ATP9B: variants seen among roughly 807,000 people sequenced by gnomAD.
ATP9B encodes ATPase phospholipid transporting 9B, also known as probable phospholipid-transporting ATPase IIB.
In ATP9B, 110 loss-of-function variants were observed where a neutral mutation model predicts 146.1. The observed-to-expected ratio is 0.75, with a 90% CI of 0.65 to 0.88. The LOEUF is 0.88. ATP9B is among the 40% of genes least tolerant of loss of function. The probability of loss-of-function intolerance (pLI) is 0.00; values close to 1 mark genes in which losing one functional copy is unlikely to be tolerated. For synonymous variants in ATP9B, 604 were observed against 569.7 expected (o/e 1.06, Z -0.86); for missense variants, 1,499 against 1,496.4 (o/e 1.00, Z -0.03).
Position 79,113,278 on chromosome 18 carries a change from A to C in ATP9B, c.482A>C (p.Tyr161Ser). 1 of 1,599,600 alleles carries C rather than the reference A, an allele frequency of 6.3e-7. No homozygotes were observed. The highest frequency in any genetic ancestry group is 1.3e-5 in the African/African-American group (1 of 74,658). Residue 161 changes from tyrosine (Y) to serine (S), a missense_variant, in exon 4 of 30, where the codon TAT (tyrosine) becomes TCT (serine). Physicochemically the swap from Tyr to Ser is moderately radical, Grantham distance 144. Coordinates refer to ENST00000426216, the MANE Select transcript of ATP9B (RefSeq NM_198531.5). ...YEQFKFFLNL[Y>S]FLVISCSQFV... ...CAATTCAAGTTTTTCTTGAATCTCT[A>C]TTTTCTAGTAATATCCTGCTCACAG... is the stretch of plus-strand genomic sequence containing the variant.
chr18:79,102,648 T>A (rs979388490), intron 2 of ATP9B, among the ~76,000 whole-genome samples: 8 of 152,348 alleles, frequency 5.3e-5, no homozygotes, highest in African/African-American at 1.4e-4. Flanking sequence ...TTTAGAATAA[T>A]CTTGTTCATA....
intron 17 of ATP9B, among the ~76,000 whole-genome samples, chr18:79,334,126 G>A (rs2096806734): frequency 6.6e-6 from 1 of 152,170 alleles, no homozygotes; most frequent in African/African-American, 2.4e-5. Flanking sequence ...GAGAGGCTGA[G>A]GTGGGCAGAT....
In ATP9B at chr18:79,231,778, GTA is replaced by G. The variant is rs781387419; in HGVS notation, c.1107+17765_1107+17766del. ...GTAGATAAAGAAAATGTGTGTGTGT[GTA>G]TATATATATATATATATATATATAC... On this transcript the variant is annotated intron_variant, in intron 11 of 29. Transcript: ENST00000426216. 4.3e-3 allele frequency among the ~76,000 whole-genome samples: 517 copies of G among 121,278 alleles called. 10 individuals carry two copies. Among genetic ancestry groups the G allele is most frequent in the African/African-American group, 0.016 (491 of 30,276 alleles). 79.6% of individuals were successfully genotyped at this position (121,278 alleles called of 152,430 possible).
rs80344527 is a variant in ATP9B at position 79,210,294 on chromosome 18, C to T, written c.1030+3282C>T. On this transcript the variant is annotated intron_variant, in intron 10 of 29. Transcript: ENST00000426216. ...ACAAAACTGGAAGGAAAGCTGGGCT[C>T]TCTAAGGCAAGGTTGACAAAAGTGT... Among the ~76,000 whole-genome samples the T allele has an allele frequency of 2.6e-5, 4 of 152,358 alleles. No homozygotes were observed. In the East Asian group the frequency reaches 7.7e-4, roughly 29 times the overall value.
At chr18:79,283,390 G>A (rs1483292292) in intron 13 of ATP9B, among the ~76,000 whole-genome samples, 2 of 152,226 alleles carry the variant, frequency 1.3e-5, no homozygotes, top group Non-Finnish European at 2.9e-5. Context: ...GAGCCTTAAT[G>A]TTACTAACAT....
chr18:79,217,459 C>T (rs549135188), intron 11 of ATP9B, among the ~76,000 whole-genome samples: 1 of 152,364 alleles, frequency 6.6e-6, no homozygotes, highest in East Asian at 1.9e-4. Flanking sequence ...GCTGGGATTA[C>T]AGGCGTGAGC....
intron 6 of ATP9B, among the ~76,000 whole-genome samples, chr18:79,149,182 C>T (rs1432958932): frequency 6.6e-6 from 1 of 152,004 alleles, no homozygotes; most frequent in African/African-American, 2.4e-5. Flanking sequence ...TACTCTAAAA[C>T]TAATTCGGAA....
chr18:79,071,583 G>C (rs938554161), intron 1 of ATP9B, among the ~76,000 whole-genome samples: 1 of 151,560 alleles, frequency 6.6e-6, no homozygotes, highest in Non-Finnish European at 1.5e-5. Context: ...ACAGCATCTT[G>C]CTATATTGCC....
rs143016778 is a variant in ATP9B, at chr18:79,293,385, A to G, written c.1412-10219A>G. ...CGTTAAGAGGCAAGTGGGTCATGAG[A>G]GATCTGCTCTCATGAATGAATGAAT... On this transcript the variant is annotated intron_variant, in intron 13 of 29. Coordinates refer to ENST00000426216, the MANE Select transcript of ATP9B (RefSeq NM_198531.5). Among the ~76,000 whole-genome samples the G allele has an allele frequency of 9.0e-3, 1,366 of 152,216 alleles. 8 individuals carry two copies. Among genetic ancestry groups the G allele is most frequent in the African/African-American group, 0.023 (962 of 41,530 alleles).
chr18:79,327,816 CTCCGTGGTTAGTGTGT>C, intron 15 of ATP9B, among the ~76,000 whole-genome samples: 6 of 133,108 alleles, frequency 4.5e-5, no homozygotes, highest in African/African-American at 1.2e-4. Context: ...TTAGCGTGTT[CTCCGTGGTTAGTGTGT>C]TCTCCGTGGT....
intron 5 of ATP9B, among the ~76,000 whole-genome samples, chr18:79,137,032 A>G (rs1472323422): frequency 6.6e-6 from 1 of 152,230 alleles, no homozygotes; most frequent in Admixed American, 6.5e-5. Flanking sequence ...TGTGGGGAGT[A>G]TAGGAACTAC....
At chr18:79,082,082 T>G (rs1306305554) in intron 1 of ATP9B, among the ~76,000 whole-genome samples, 2 of 152,202 alleles carry the variant, frequency 1.3e-5, no homozygotes, top group African/African-American at 4.8e-5. Flanking sequence ...TAGTCCCATG[T>G]TTCTTGGAGG....
chr18:79,376,214 C>CACACACACAAAAAAAAA, intron 29 of ATP9B: 16 of 885,004 alleles, frequency 1.8e-5, no homozygotes, highest in Middle Eastern at 6.1e-4. Context: ...CACACACACA[C>CACACACACAAAAAAAAA]AAAACAAAAC....
At chr18:79,119,444 A>G (rs1351701041) in intron 4 of ATP9B, among the ~76,000 whole-genome samples, 1 of 152,030 alleles carries the variant, frequency 6.6e-6, no homozygotes, top group Non-Finnish European at 1.5e-5. Context: ...TTGAATTTTC[A>G]TCCTCTGTTA....
At chr18:79,091,969 G>A (rs180955224) in intron 1 of ATP9B, among the ~76,000 whole-genome samples, 1 of 152,260 alleles carries the variant, frequency 6.6e-6, no homozygotes, top group African/African-American at 2.4e-5. Flanking sequence ...GATCTTAGTG[G>A]TGATTTGATC....
chr18:79,263,713 G>GT (rs1024883203), intron 12 of ATP9B, among the ~76,000 whole-genome samples: 7 of 152,280 alleles, frequency 4.6e-5, no homozygotes, highest in Admixed American at 6.5e-5. Flanking sequence ...GTTGCTTCCA[G>GT]TTTTTTTACA....
intron 5 of ATP9B, among the ~76,000 whole-genome samples, chr18:79,136,740 C>T (rs754975159): frequency 1.4e-4 from 21 of 152,116 alleles, no homozygotes; most frequent in Non-Finnish European, 2.5e-4. Flanking sequence ...AGTCTGTTCT[C>T]ACGCTGCTAA....
At chr18:79,245,728 TGGA>T (rs1189596857) in intron 11 of ATP9B, among the ~76,000 whole-genome samples, 7 of 92,274 alleles carry the variant, frequency 7.6e-5, no homozygotes, top group African/African-American at 2.9e-4. Context: ...ACTGACTGTG[TGGA>T]GGACACCGCC....
intron 1 of ATP9B, among the ~76,000 whole-genome samples, chr18:79,078,565 C>CT (rs60006879): frequency 6.6e-6 from 1 of 151,486 alleles, no homozygotes; most frequent in South Asian, 2.1e-4. Context: ...TTTATTTACT[C>CT]TTTTTTATTT....
Sources: allele counts gnomAD v4.1 joint callset (sites outside exome capture counted in the v4.1 genomes callset), GRCh38; gene constraint gnomAD v4.1.1; transcripts MANE v1.5; gene names NCBI Gene and HGNC (gene_info 2026-07-23, HGNC 2026-07-21).